PTPRB: variants seen among roughly 807,000 people sequenced by gnomAD.
The protein encoded by PTPRB is protein tyrosine phosphatase receptor type B.
A neutral mutation model predicts 238.1 loss-of-function variants in PTPRB; 97 were observed. That is an observed-to-expected ratio of 0.41 (90% confidence interval 0.35 to 0.48). The LOEUF is 0.48. Among genes scored for constraint, PTPRB ranks in the 20% least tolerant of loss-of-function variants. PTPRB has a pLI of 0.30. For synonymous variants in PTPRB, 970 were observed against 995.4 expected (o/e 0.97, Z 0.48); for missense variants, 2,292 against 2,681.9 (o/e 0.85, Z 3.21).
In PTPRB at chr12:70,524,548, C is replaced by G; in HGVS notation, c.6548G>C (p.Arg2183Thr). The change falls in exon 33 of 34, where the codon AGA (arginine) becomes ACA (threonine). Residue 2183 changes from arginine (R) to threonine (T), a missense_variant. By Grantham distance (71) the Arg-to-Thr change is moderately conservative. Coordinates refer to ENST00000334414, the MANE Select transcript of PTPRB (RefSeq NM_001109754.4). ...TTGTTCACTCCGTAGCTTTCTTGCTCTGAGGACATCTCTTACACACTGATG... is the reference window on the plus strand; with the variant it reads ...TTGTTCACTCCGTAGCTTTCTTGCTGTGAGGACATCTCTTACACACTGATG... ...YLHQCVRDVLRARKLRSEQEN... is the reference protein window; with the variant it reads ...YLHQCVRDVLTARKLRSEQEN... The G allele has an allele frequency of 6.2e-7, 1 of 1,613,132 alleles. No individual in the cohort carries two copies. The highest frequency in any genetic ancestry group is 8.5e-7 in the Non-Finnish European group (1 of 1,179,222).
At chr12:70,624,273 TA>T (rs769195376) in intron 2 of PTPRB, among the ~76,000 whole-genome samples, 9 of 152,214 alleles carry the variant, frequency 5.9e-5, no homozygotes, top group Non-Finnish European at 8.8e-5. Context: ...ATTTGTTATT[TA>T]TCTGATATTC....
Position 70,576,662 on chromosome 12 carries a change from T to TC in PTPRB, c.2579-18_2579-17insG, listed in dbSNP as rs1555230172. The TC allele has an allele frequency of 4.1e-3, 62 of 15,296 alleles. No homozygotes were observed. Among genetic ancestry groups the TC allele is most frequent in the African/African-American group, 0.018 (55 of 3,086 alleles). The allele number at this position is 15,296 out of a possible 1,614,324, so 0.9% of individuals were successfully genotyped here. A position where few individuals can be genotyped will look rare whatever the true frequency, so the allele number is the denominator to read the frequency against. On this transcript the variant is annotated splice_polypyrimidine_tract_variant and intron_variant, in intron 10 of 33. Transcript: ENST00000334414. Reference sequence around the variant, plus strand: ...TGGAAGGGACTGTGATTTTGAAAGGTGGGGGGCGGGGGGGGGGGGGAAGGG... The same window carrying TC: ...TGGAAGGGACTGTGATTTTGAAAGGTCGGGGGGCGGGGGGGGGGGGGAAGGG...
chr12:70,534,959 G>A lies in PTPRB; in HGVS notation c.6082-4C>T, dbSNP rs764115321. The A allele has an allele frequency of 1.9e-6, 3 of 1,610,904 alleles. No homozygotes were observed. Among genetic ancestry groups the A allele is most frequent in the Non-Finnish European group, 2.5e-6 (3 of 1,178,296 alleles). On this transcript the variant is annotated splice_polypyrimidine_tract_variant and splice_region_variant and intron_variant, in intron 29 of 33. Coordinates refer to ENST00000334414, the MANE Select transcript of PTPRB (RefSeq NM_001109754.4). Reference sequence around the variant, plus strand: ...GCCAGTAATGATCACACTTTACCTAGAACAGGACAGACAGAAAAAACATGA... The same window carrying A: ...GCCAGTAATGATCACACTTTACCTAAAACAGGACAGACAGAAAAAACATGA...
chr12:70,523,376 T>G (rs570526154), intron 33 of PTPRB, among the ~76,000 whole-genome samples: 2 of 152,288 alleles, frequency 1.3e-5, no homozygotes, highest in Admixed American at 6.5e-5. Context: ...TGTCAAACTT[T>G]TAGCTACAAA....
At chr12:70,563,219 G>A (rs1878746611) in intron 15 of PTPRB, 112 bp from the exon 16 acceptor site, 3 of 1,088,206 alleles carry the variant, frequency 2.8e-6, no homozygotes, top group Admixed American at 2.7e-5. Context: ...TCAGTGATAC[G>A]GGAAACAGTA....
chr12:70,540,841 A>G lies in PTPRB; in HGVS notation c.5594+17T>C, dbSNP rs763677706. The G allele has an allele frequency of 3.7e-4, 587 of 1,571,518 alleles. No homozygotes were observed. The highest frequency in any genetic ancestry group is 4.9e-4 in the Non-Finnish European group (561 of 1,154,780). On this transcript the variant is annotated intron_variant, in intron 23 of 33. Transcript: ENST00000334414. Reference sequence around the variant, plus strand: ...TAAAGTTGTGGGTCCAATCACCAAAAGGATCTTTGTACTTACCTCACTTTC... The same window carrying G: ...TAAAGTTGTGGGTCCAATCACCAAAGGGATCTTTGTACTTACCTCACTTTC...
Position 70,520,379 on chromosome 12 carries a change from AAG to A in PTPRB, c.*1108_*1109del, listed in dbSNP as rs948212190. On this transcript the variant is annotated 3_prime_UTR_variant, in exon 34 of 34. Coordinates refer to ENST00000334414, the MANE Select transcript of PTPRB (RefSeq NM_001109754.4). Reference sequence around the variant, plus strand: ...CATTTTGACTTCATTGATTTACTAAAAGAAGTTTTGAAAATTTTACTGAAGAC... The same window carrying A: ...CATTTTGACTTCATTGATTTACTAAAAAGTTTTGAAAATTTTACTGAAGAC... 19 of 230,464 alleles carry A rather than the reference AAG, an allele frequency of 8.2e-5. No homozygotes were observed. The highest frequency in any genetic ancestry group is 5.9e-4 in the South Asian group (13 of 22,060). 14.3% of individuals were successfully genotyped at this position (230,464 alleles called of 1,614,324 possible).
chr12:70,627,950 C>A (rs140009161), intron 2 of PTPRB, among the ~76,000 whole-genome samples: 1 of 152,180 alleles, frequency 6.6e-6, no homozygotes, highest in Non-Finnish European at 1.5e-5. Context: ...AACTTTTTTC[C>A]CAAGGGTGTA....
chr12:70,610,547 A>G (rs1884386337), intron 3 of PTPRB, among the ~76,000 whole-genome samples: 1 of 151,886 alleles, frequency 6.6e-6, no homozygotes, highest in Non-Finnish European at 1.5e-5. Context: ...GAAGTCTTTT[A>G]TTAGAGAGCT....
At chr12:70,613,248 G>A (rs1884539970) in intron 3 of PTPRB, among the ~76,000 whole-genome samples, 2 of 151,844 alleles carry the variant, frequency 1.3e-5, no homozygotes, top group South Asian at 4.2e-4. Context: ...CCTTACCCCG[G>A]CCCCTCATTA....
rs184171594 is a variant in PTPRB at position 70,632,250 on chromosome 12, T to C, written c.451+3421A>G. On this transcript the variant is annotated intron_variant, in intron 2 of 33. Transcript: ENST00000334414. ...ACACCATGGAATACTATTGCAGCCA[T>C]AAAAAATGATGAGTTCATGTCATTT... Among the ~76,000 whole-genome samples, 125 of 152,214 alleles carry C rather than the reference T, an allele frequency of 8.2e-4. 1 individual carries two copies. The East Asian group carries it at 0.015, about 19-fold the overall frequency.
In PTPRB at chr12:70,534,837, C is replaced by A; in HGVS notation, c.6200G>T (p.Cys2067Phe). The A allele has an allele frequency of 6.2e-7, 1 of 1,613,816 alleles. No homozygotes were observed. The highest frequency in any genetic ancestry group is 8.5e-7 in the Non-Finnish European group (1 of 1,179,798). Residue 2067 changes from cysteine (C) to phenylalanine (F), a missense_variant, in exon 30 of 34, where the codon TGC becomes TTC. Around this residue, in one of 4 missense-constraint regions of PTPRB, gnomAD observed 397 missense variants for 502.0 expected, o/e 0.79. Transcript: ENST00000334414. ...PEWTIREFKI[C>F]GEEQLDAHRL... The stretch of plus-strand genomic sequence containing the variant: ...AAGTCAAGCAAGCTAACATACACCG[C>A]ATATCTTAAACTCCCGGATGGTCCA...
chr12:70,615,787 A>T (rs773914189), intron 3 of PTPRB, among the ~76,000 whole-genome samples: 4 of 152,212 alleles, frequency 2.6e-5, no homozygotes, highest in Non-Finnish European at 4.4e-5. Context: ...AACATTTATT[A>T]CCAAACCCTA....
At chr12:70,579,391 T>C (rs2136414542) in intron 10 of PTPRB, among the ~76,000 whole-genome samples, 1 of 151,718 alleles carries the variant, frequency 6.6e-6, no homozygotes, top group Non-Finnish European at 1.5e-5. Flanking sequence ...GGAAAGAAAA[T>C]ATCAGGGAGA....
chr12:70,540,126 T>C, intron 23 of PTPRB, 104 bp from the exon 24 acceptor site: 1 of 983,020 alleles, frequency 1.0e-6, no homozygotes, highest in South Asian at 1.6e-5. Flanking sequence ...ATATGGATTT[T>C]TCAGTATTCA....
rs558379747 is a variant in PTPRB, at chr12:70,602,247, C to G, written c.980-5920G>C. The stretch of plus-strand genomic sequence containing the variant: ...TATACACTAGATCTAAAATTAGAAG[C>G]TCACTTTTAGTGAATATTAGAGAAC... On this transcript the variant is annotated intron_variant, in intron 4 of 33. Transcript: ENST00000334414. Among the ~76,000 whole-genome samples the G allele has an allele frequency of 2.6e-4, 39 of 152,292 alleles. 1 individual carries two copies. The highest frequency in any genetic ancestry group is 9.1e-4 in the African/African-American group (38 of 41,556).
At chr12:70,532,302 C>G (rs1309914348) in intron 31 of PTPRB, 132 bp from the exon 32 acceptor site, 2 of 1,213,938 alleles carry the variant, frequency 1.6e-6, no homozygotes, top group South Asian at 3.4e-5. Flanking sequence ...TTCTTTCTCT[C>G]AAATAAGTTT....
chr12:70,533,720 T>C (rs997482852), intron 31 of PTPRB, among the ~76,000 whole-genome samples: 3 of 152,092 alleles, frequency 2.0e-5, no homozygotes, highest in Non-Finnish European at 2.9e-5. Context: ...ACGGGACTGG[T>C]GCCTTGTGAA....
intron 7 of PTPRB, among the ~76,000 whole-genome samples, chr12:70,590,590 CT>C (rs34092195): frequency 0.24 from 25,871 of 105,950 alleles, 1,296 homozygotes; most frequent in East Asian, 0.38. Context: ...AGATTAAGTT[CT>C]TTTTTTTTTT....
Sources: allele counts gnomAD v4.1 joint callset (sites outside exome capture counted in the v4.1 genomes callset), GRCh38; gene constraint gnomAD v4.1.1; regional missense constraint gnomAD v4.1.1; transcripts MANE v1.5; gene names NCBI Gene and HGNC (gene_info 2026-07-23, HGNC 2026-07-21).